APP: variants seen among roughly 807,000 people sequenced by gnomAD.
APP encodes the protein amyloid beta precursor protein.
Under a neutral mutation model 101.4 loss-of-function variants are expected in APP, and 31 were observed. That is an observed-to-expected ratio of 0.31 (90% CI 0.23 to 0.41). The LOEUF is 0.41. APP is among the 10% of genes least tolerant of loss of function. The pLI is 1.00. For synonymous variants in APP, 366 were observed against 364.4 expected (o/e 1.00, Z -0.05); for missense variants, 839 against 1,003.7 (o/e 0.84, Z 2.22).
intron 1 of APP, among the ~76,000 whole-genome samples, chr21:26,142,136 C>T (rs1448325758): frequency 6.6e-6 from 1 of 152,172 alleles, no homozygotes; most frequent in Non-Finnish European, 1.5e-5. Flanking sequence ...AAGGTGATAA[C>T]GCTGCTGTCT....
At chr21:26,024,727 C>T (rs751053857) in intron 5 of APP, among the ~76,000 whole-genome samples, 1 of 152,164 alleles carries the variant, frequency 6.6e-6, no homozygotes, top group Non-Finnish European at 1.5e-5. Flanking sequence ...CCATGGAACA[C>T]CTGACTCTGA....
At chr21:26,076,048 C>G (rs1018374140) in intron 3 of APP, among the ~76,000 whole-genome samples, 2 of 152,122 alleles carry the variant, frequency 1.3e-5, no homozygotes, top group African/African-American at 4.8e-5. Context: ...CGCCCATCAC[C>G]ATGCCTGGCT....
chr21:26,130,128 T>C (rs1466386702), intron 1 of APP, among the ~76,000 whole-genome samples: 3 of 152,162 alleles, frequency 2.0e-5, no homozygotes, highest in East Asian at 3.8e-4. Context: ...AAACTAACCT[T>C]CCAAAAAGAA....
intron 5 of APP, among the ~76,000 whole-genome samples, chr21:26,025,121 T>C (rs920536907): frequency 6.6e-6 from 1 of 152,226 alleles, no homozygotes; most frequent in Non-Finnish European, 1.5e-5. Context: ...ACTTTTTTTT[T>C]TGACTGCCCA....
At position 26,029,612 on chromosome 21, in the gene APP, G is replaced by A. The variant is rs187449199; in HGVS notation, c.663-7570C>T. On this transcript the variant is annotated intron_variant, in intron 5 of 17. Transcript: ENST00000346798. ...AGCATGTGCAAAGGCCCGGTGACAG[G>A]AGGGAGGGAAACCTGAGCACCTGAA... 1.5e-3 allele frequency among the ~76,000 whole-genome samples: 234 copies of A among 152,248 alleles called. 2 individuals are homozygous for A. Among genetic ancestry groups the A allele is most frequent in the Admixed American group, 8.6e-3 (132 of 15,286 alleles).
intron 1 of APP, among the ~76,000 whole-genome samples, chr21:26,152,769 T>G (rs1384139365): frequency 6.6e-6 from 1 of 152,228 alleles, no homozygotes; most frequent in Non-Finnish European, 1.5e-5. Context: ...ATCTACCATT[T>G]GATCCAGCAA....
At chr21:25,946,897 C>T (rs891446163) in intron 13 of APP, among the ~76,000 whole-genome samples, 2 of 152,072 alleles carry the variant, frequency 1.3e-5, no homozygotes, top group Admixed American at 6.5e-5. Flanking sequence ...ATATACTGCA[C>T]TGAATTATAC....
chr21:25,958,312 T>C (rs962937059), intron 11 of APP, among the ~76,000 whole-genome samples: 5 of 152,216 alleles, frequency 3.3e-5, no homozygotes, highest in African/African-American at 1.2e-4. Context: ...AATCTCGCCC[T>C]GTCTCCCAGG....
intron 5 of APP, among the ~76,000 whole-genome samples, chr21:26,035,819 G>C (rs1191921396): frequency 1.3e-5 from 2 of 152,184 alleles, no homozygotes; most frequent in Admixed American, 6.5e-5. Context: ...AACAATGGGA[G>C]TTTAGATTAG....
intron 1 of APP, among the ~76,000 whole-genome samples, chr21:26,137,094 C>T (rs193279541): frequency 7.8e-4 from 119 of 152,074 alleles, no homozygotes; most frequent in Middle Eastern, 3.4e-3. Context: ...GCATGCGCCA[C>T]CACACCCAGC....
chr21:25,885,530 C>T, intron 17 of APP, among the ~76,000 whole-genome samples: 1 of 152,208 alleles, frequency 6.6e-6, no homozygotes, highest in Admixed American at 6.5e-5. Flanking sequence ...ATACATACAA[C>T]CACTGAATAT....
At chr21:25,993,121 C>T (rs11910324) in intron 8 of APP, among the ~76,000 whole-genome samples, 3,458 of 152,166 alleles carry the variant, frequency 0.023, 138 homozygotes, top group African/African-American at 0.079. Context: ...AACTTGGAAC[C>T]TGGGGATGGA....
chr21:26,135,677 T>C (rs1001674488), intron 1 of APP, among the ~76,000 whole-genome samples: 1 of 152,180 alleles, frequency 6.6e-6, no homozygotes, highest in Admixed American at 6.5e-5. Flanking sequence ...ATGCAAGCCC[T>C]AGCTGGAAAG....
At chr21:25,885,296 T>TA (rs1399373209) in intron 17 of APP, among the ~76,000 whole-genome samples, 2 of 152,222 alleles carry the variant, frequency 1.3e-5, no homozygotes, top group African/African-American at 4.8e-5. Context: ...TCCTCATGGC[T>TA]AAGCTACAGC....
intron 5 of APP, among the ~76,000 whole-genome samples, chr21:26,043,647 T>G (rs1334580852): frequency 1.3e-5 from 2 of 152,252 alleles, no homozygotes; most frequent in Non-Finnish European, 2.9e-5. Flanking sequence ...CTCAAATACT[T>G]GTTGAGCACC....
At chr21:25,928,842 C>G (rs896859026) in intron 13 of APP, 1 of 151,300 alleles carries the variant, frequency 6.6e-6, no homozygotes, top group Non-Finnish European at 1.5e-5. Flanking sequence ...CAACCTCGGC[C>G]TCCTGAGTAG....
chr21:26,137,037 A>G (rs2062935024), intron 1 of APP, among the ~76,000 whole-genome samples: 1 of 116,192 alleles, frequency 8.6e-6, no homozygotes, highest in Non-Finnish European at 1.6e-5. Flanking sequence ...TGGGTTCAAG[A>G]GATCCTCCCG....
At chr21:25,980,635 C>A (rs9305269) in intron 9 of APP, among the ~76,000 whole-genome samples, 36,147 of 150,888 alleles carry the variant, frequency 0.24, 4,690 homozygotes, top group South Asian at 0.37. Flanking sequence ...AAAGTAGATC[C>A]AAGTATTGTT....
chr21:26,048,249 G>A (rs1258745911), intron 5 of APP, among the ~76,000 whole-genome samples: 1 of 152,106 alleles, frequency 6.6e-6, no homozygotes, highest in Non-Finnish European at 1.5e-5. Context: ...CTTGAACCCG[G>A]GAGGTGGAGG....
Sources: gnomAD v4.1 joint callset for allele counts (sites outside exome capture counted in the v4.1 genomes callset) on GRCh38, gnomAD v4.1.1 for gene constraint, MANE v1.5 for transcripts, NCBI Gene and HGNC (gene_info 2026-07-23, HGNC 2026-07-21) for gene names.